PROX1: variants seen among roughly 807,000 people sequenced by gnomAD.
PROX1 encodes prospero homeobox protein 1.
In PROX1, 7 loss-of-function variants were observed where a neutral mutation model predicts 58.8. The observed-to-expected ratio is 0.12, with a 90% CI of 0.07 to 0.22. The LOEUF is 0.22. PROX1 is among the 10% of genes least tolerant of loss of function. The pLI, the probability that PROX1 is intolerant of heterozygous loss-of-function variation, is 1.00. For synonymous variants in PROX1, 350 were observed against 358.3 expected, an observed-to-expected ratio of 0.98 and a Z score of 0.26; for missense variants, 675 against 927.8, an observed-to-expected ratio of 0.73 and a Z score of 3.54.
At chr1:214,024,245 C>T (rs1184371815) in intron 4 of PROX1, among the ~76,000 whole-genome samples, 1 of 152,170 alleles carries the variant, frequency 6.6e-6, no homozygotes, top group Non-Finnish European at 1.5e-5. Flanking sequence ...CCTTCACAAG[C>T]TCTTAAGTAG....
chr1:214,036,179 G>GC lies in PROX1; in HGVS notation c.*345_*346insC. Reference sequence around the variant, plus strand: ...TTAACGATGCATCCACTTGATTGATGACTTATTGCAAATGGCGGTTGGCTG... The same window carrying GC: ...TTAACGATGCATCCACTTGATTGATGCACTTATTGCAAATGGCGGTTGGCTG... On this transcript the variant is annotated 3_prime_UTR_variant, in exon 5 of 5. Transcript: ENST00000366958. 1 of 167,136 alleles carries GC rather than the reference G, an allele frequency of 6.0e-6. No individual in the cohort carries two copies. The highest frequency in any genetic ancestry group is 2.4e-5 in the African/African-American group (1 of 42,070). 10.4% of individuals were successfully genotyped at this position (167,136 alleles called of 1,614,324 possible).
rs1475933284 is a variant in PROX1, at chr1:214,005,121, C to T, written c.1726-44C>T. 1.3e-6 allele frequency: 2 copies of T among 1,514,808 alleles called. 1 individual carries two copies. Among genetic ancestry groups the T allele is most frequent in the East Asian group, 4.5e-5 (2 of 44,338 alleles). The allele number at this position is 1,514,808 out of a possible 1,614,324, so 93.8% of individuals were successfully genotyped here. On this transcript the variant is annotated intron_variant, in intron 2 of 4. Transcript: ENST00000366958. Reference sequence around the variant, plus strand: ...GACTGGAGGGAGGGAGGTGGGAGTCCTTGTGCTTACAGAATTGCTTTTCCT... The same window carrying T: ...GACTGGAGGGAGGGAGGTGGGAGTCTTTGTGCTTACAGAATTGCTTTTCCT...
chr1:213,990,193 T>A (rs1301199578), intron 1 of PROX1, among the ~76,000 whole-genome samples: 1 of 147,548 alleles, frequency 6.8e-6, no homozygotes, highest in East Asian at 2.0e-4. Context: ...TTTCCTAACC[T>A]AGGTAGGCAG....
chr1:213,999,054 G>C (rs1249673288), intron 2 of PROX1, among the ~76,000 whole-genome samples: 1 of 152,188 alleles, frequency 6.6e-6, no homozygotes, highest in African/African-American at 2.4e-5. Flanking sequence ...ATTTTGGAAA[G>C]CGAGAGAGCA....
chr1:214,040,241 G>A lies in PROX1; in HGVS notation c.*4407G>A, dbSNP rs546728020. The A allele has an allele frequency of 2.0e-5, 3 of 152,232 alleles. No homozygotes were observed. In the East Asian group the frequency reaches 5.8e-4, roughly 29 times the overall value. 9.4% of individuals were successfully genotyped at this position (152,232 alleles called of 1,614,324 possible). ...GCTAAAATGCTCATATTCAGAGCTG[G>A]GATCAAAACTGGTATTTAACCTTTG... On this transcript the variant is annotated 3_prime_UTR_variant, in exon 5 of 5. Coordinates refer to ENST00000366958, the MANE Select transcript of PROX1 (RefSeq NM_001270616.2).
At chr1:214,004,909 T>C (rs1432993025) in intron 2 of PROX1, among the ~76,000 whole-genome samples, 1 of 152,226 alleles carries the variant, frequency 6.6e-6, no homozygotes, top group African/African-American at 2.4e-5. Context: ...TTTGCCATCC[T>C]CACCCTAAAG....
rs1159417368 is a variant in PROX1 at position 214,036,907 on chromosome 1, T to G, written c.*1073T>G. On this transcript the variant is annotated 3_prime_UTR_variant, in exon 5 of 5. Coordinates refer to ENST00000366958, the MANE Select transcript of PROX1 (RefSeq NM_001270616.2). ...GAACACATATATTTTCACAAGCAAT[T>G]CCACACTATCCTGATGGGTATGCAA... The G allele has an allele frequency of 6.6e-6, 1 of 152,236 alleles. No homozygotes were observed. The highest frequency in any genetic ancestry group is 1.5e-5 in the Non-Finnish European group (1 of 68,036). 9.4% of individuals were successfully genotyped at this position (152,236 alleles called of 1,614,324 possible). A position where few individuals can be genotyped will look rare whatever the true frequency, so the allele number is the denominator to read the frequency against.
At chr1:213,987,107 A>G (rs1341318821), upstream of PROX1, among the ~76,000 whole-genome samples, 1 of 152,170 alleles carries the variant, frequency 6.6e-6, no homozygotes, top group Non-Finnish European at 1.5e-5. Flanking sequence ...GATGTTTGCA[A>G]CATATATATT....
intron 4 of PROX1, among the ~76,000 whole-genome samples, chr1:214,024,934 C>A (rs559404446): frequency 6.6e-6 from 1 of 152,298 alleles, no homozygotes; most frequent in South Asian, 2.1e-4. Context: ...TTGTCTTGAA[C>A]TCAGACACCA....
rs1423357657 is a variant in PROX1, at chr1:213,988,022, G to T, written c.-529G>T. ...TACACCATTGCAGCCGGGGAAAGCAGAGCGGCGCAAAAGAGCTCTCGCCGG... is the reference window on the plus strand; with the variant it reads ...TACACCATTGCAGCCGGGGAAAGCATAGCGGCGCAAAAGAGCTCTCGCCGG... On this transcript the variant is annotated 5_prime_UTR_variant, in exon 1 of 5. Transcript: ENST00000366958. 1.3e-5 allele frequency: 2 copies of T among 151,762 alleles called. No individual in the cohort carries two copies. Among genetic ancestry groups the T allele is most frequent in the Admixed American group, 6.6e-5 (1 of 15,244 alleles). 9.4% of individuals were successfully genotyped at this position (151,762 alleles called of 1,614,324 possible).
chr1:214,024,578 C>A lies in PROX1; in HGVS notation c.2029-11071C>A, dbSNP rs571145110. Among the ~76,000 whole-genome samples, 9 of 152,280 alleles carry A rather than the reference C, an allele frequency of 5.9e-5. No individual in the cohort carries two copies. The South Asian group carries it at 1.0e-3, about 18-fold the overall frequency. On this transcript the variant is annotated intron_variant, in intron 4 of 4. Transcript: ENST00000366958. ...ATGAGCAATCCCTTTCTCATCACAA[C>A]CTGCCTGAACCCCACTTCCTAACAG...
rs1255397815 is a variant in PROX1 at position 214,036,380 on chromosome 1, G to A, written c.*546G>A. The stretch of plus-strand genomic sequence containing the variant: ...TAAAAATAATTCCAATGACAGATGA[G>A]CAGCTCACTTTTCCAAAGTACCCCA... On this transcript the variant is annotated 3_prime_UTR_variant, in exon 5 of 5. Coordinates refer to ENST00000366958, the MANE Select transcript of PROX1 (RefSeq NM_001270616.2). The A allele has an allele frequency of 1.3e-5, 2 of 151,962 alleles. No homozygotes were observed. The highest frequency in any genetic ancestry group is 2.9e-5 in the Non-Finnish European group (2 of 68,040). The allele number at this position is 151,962 out of a possible 1,614,324, so 9.4% of individuals were successfully genotyped here.
chr1:214,020,946 T>A (rs1347092576), intron 4 of PROX1, among the ~76,000 whole-genome samples: 1 of 152,206 alleles, frequency 6.6e-6, no homozygotes, highest in Non-Finnish European at 1.5e-5. Flanking sequence ...TGTACCGGGT[T>A]GCTGAGATTT....
intron 1 of PROX1, among the ~76,000 whole-genome samples, chr1:213,995,026 C>G (rs554520880): frequency 6.6e-4 from 100 of 151,946 alleles, no homozygotes; most frequent in African/African-American, 2.3e-3. Flanking sequence ...TTAAAGCTAG[C>G]CACAGATGCA....
At chr1:214,015,057 G>T (rs1405746159) in intron 4 of PROX1, among the ~76,000 whole-genome samples, 2 of 152,156 alleles carry the variant, frequency 1.3e-5, no homozygotes, top group East Asian at 3.9e-4. Context: ...TGGCAGTAGA[G>T]CTTGTTCTGC....
intron 4 of PROX1, among the ~76,000 whole-genome samples, chr1:214,032,107 A>G (rs1402676186): frequency 1.3e-5 from 2 of 152,120 alleles, no homozygotes; most frequent in Non-Finnish European, 1.5e-5. Flanking sequence ...CTTTTATACC[A>G]TTTCCATTTA....
chr1:214,014,164 G>A (rs1664014122), intron 4 of PROX1, among the ~76,000 whole-genome samples: 1 of 152,208 alleles, frequency 6.6e-6, no homozygotes, highest in African/African-American at 2.4e-5. Flanking sequence ...TTCTTATCGT[G>A]GTAGCTTTGC....
At position 214,036,041 on chromosome 1, in the gene PROX1, T is replaced by G. The variant is rs951307884; in HGVS notation, c.*207T>G. On this transcript the variant is annotated 3_prime_UTR_variant, in exon 5 of 5. Coordinates refer to ENST00000366958, the MANE Select transcript of PROX1 (RefSeq NM_001270616.2). ...GGGATGGTTGTTTTCTTTCTGCCTT[T>G]AGTTTGCTTTTGCCCAAGGCCCTTA... The G allele has an allele frequency of 2.3e-5, 10 of 434,274 alleles. No individual in the cohort carries two copies. The Admixed American group carries it at 3.0e-4, about 13-fold the overall frequency. 26.9% of individuals were successfully genotyped at this position (434,274 alleles called of 1,614,324 possible).
chr1:213,994,980 G>A (rs1663203161), intron 1 of PROX1, among the ~76,000 whole-genome samples: 1 of 151,618 alleles, frequency 6.6e-6, no homozygotes, highest in Non-Finnish European at 1.5e-5. Flanking sequence ...GTTATTTCAT[G>A]CTGAAATTAT....
Sources: gnomAD v4.1 joint callset for allele counts (sites outside exome capture counted in the v4.1 genomes callset) on GRCh38, gnomAD v4.1.1 for gene constraint, MANE v1.5 for transcripts, NCBI Gene and HGNC (gene_info 2026-07-23, HGNC 2026-07-21) for gene names.